Variants in MRPL13 observed in about 807,000 individuals in gnomAD.
MRPL13 encodes large ribosomal subunit protein uL13m.
In MRPL13, 33 loss-of-function variants were observed where a neutral mutation model predicts 29.0. The ratio of observed to expected loss-of-function variants is 1.14; its 90% confidence interval spans 0.86 to 1.52. The LOEUF (loss-of-function observed/expected upper bound fraction) is 1.52. Among genes scored for constraint, MRPL13 ranks in the 40% most tolerant of loss-of-function variants. MRPL13 has a pLI of 0.00. For synonymous variants in MRPL13, 77 were observed against 68.4 expected (o/e 1.13, Z -0.62); for missense variants, 227 against 216.7 (o/e 1.05, Z -0.30).
At chr8:120,411,023 C>T (rs148642693) in intron 6 of MRPL13, among the ~76,000 whole-genome samples, 1,886 of 151,834 alleles carry the variant, frequency 0.012, 20 homozygotes, top group Admixed American at 0.03. Context: ...GGTGATCCAC[C>T]GCGCCAGGCT....
At chr8:120,432,179 G>A (rs1444182665) in intron 2 of MRPL13, 56 bp from the exon 3 acceptor site, 1 of 1,361,490 alleles carries the variant, frequency 7.3e-7, no homozygotes, top group Non-Finnish European at 1.0e-6. Context: ...TTAAGAAAAA[G>A]TGGCCTTGGT....
Position 120,445,056 on chromosome 8 carries a change from G to A in MRPL13, c.27+12C>T. 6.2e-7 allele frequency: 1 copy of A among 1,613,912 alleles called. No individual in the cohort carries two copies. The highest frequency in any genetic ancestry group is 8.5e-7 in the Non-Finnish European group (1 of 1,179,914). On this transcript the variant is annotated intron_variant, in intron 1 of 6. Transcript: ENST00000306185. ...TAATGAACCCCATCAAGCCATAAGA[G>A]TCCGAGCTCACCTGGGGCGCCCTAG...
chr8:120,397,817 G>T (rs1812542133), intron 6 of MRPL13, among the ~76,000 whole-genome samples: 1 of 152,150 alleles, frequency 6.6e-6, no homozygotes, highest in Non-Finnish European at 1.5e-5. Flanking sequence ...AGGCAGTCTA[G>T]ACAAGGAGGA....
At chr8:120,429,770 T>G (rs1812977523) in intron 3 of MRPL13, among the ~76,000 whole-genome samples, 1 of 152,172 alleles carries the variant, frequency 6.6e-6, no homozygotes, top group South Asian at 2.1e-4. Context: ...CCAGGGATGT[T>G]CATATCCCTG....
At chr8:120,424,757 C>T (rs1205107074) in intron 4 of MRPL13, among the ~76,000 whole-genome samples, 1 of 151,826 alleles carries the variant, frequency 6.6e-6, no homozygotes, top group Non-Finnish European at 1.5e-5. Flanking sequence ...CAGAGTGAGA[C>T]CTTGTCTCCA....
chr8:120,444,866 G>T lies in MRPL13; in HGVS notation c.27+202C>A. On this transcript the variant is annotated intron_variant, in intron 1 of 6. Coordinates refer to ENST00000306185, the MANE Select transcript of MRPL13 (RefSeq NM_014078.6). The stretch of plus-strand genomic sequence containing the variant: ...AAGAAAGACATGAAAAGGGCAGATT[G>T]AAAAGAAGAGGGGACGAGTAACAGA... 7.9e-5 allele frequency: 39 copies of T among 493,606 alleles called. No individual in the cohort carries two copies. The Middle Eastern group carries it at 1.3e-3, about 16-fold the overall frequency. The allele number at this position is 493,606 out of a possible 1,614,324, so 30.6% of individuals were successfully genotyped here. A position where few individuals can be genotyped will look rare whatever the true frequency, so the allele number is the denominator to read the frequency against.
intron 3 of MRPL13, among the ~76,000 whole-genome samples, chr8:120,431,047 T>C (rs1001845011): frequency 1.3e-5 from 2 of 152,142 alleles, no homozygotes; most frequent in Non-Finnish European, 2.9e-5. Flanking sequence ...AAATTCAGTT[T>C]TGTTAAATTA....
At position 120,419,801 on chromosome 8, in the gene MRPL13, A is replaced by G. The variant is rs768824412; in HGVS notation, c.393+51T>C. ...CATTTATTTAAAAAGAAAATGAAACATTTAATTGAAAATTTTGGAAAAGCA... is the reference window on the plus strand; with the variant it reads ...CATTTATTTAAAAAGAAAATGAAACGTTTAATTGAAAATTTTGGAAAAGCA... On this transcript the variant is annotated intron_variant, in intron 5 of 6. Transcript: ENST00000306185. 6.6e-6 allele frequency: 9 copies of G among 1,358,068 alleles called. No individual in the cohort carries two copies. In the East Asian group the frequency reaches 2.3e-4, roughly 34 times the overall value. 84.1% of individuals were successfully genotyped at this position (1,358,068 alleles called of 1,614,324 possible).
At chr8:120,420,048 A>G in intron 4 of MRPL13, 110 bp from the exon 5 acceptor site, 2 of 613,760 alleles carry the variant, frequency 3.3e-6, no homozygotes, top group Non-Finnish European at 2.5e-6. Context: ...CAACACGAAT[A>G]TAGGAAAGAA....
intron 4 of MRPL13, among the ~76,000 whole-genome samples, chr8:120,420,628 A>C (rs1443548882): frequency 2.0e-5 from 3 of 151,576 alleles, no homozygotes; most frequent in Admixed American, 6.6e-5. Flanking sequence ...GCAGACACAG[A>C]ACATTTCCAT....
intron 3 of MRPL13, among the ~76,000 whole-genome samples, chr8:120,429,205 G>A (rs555297010): frequency 6.6e-6 from 1 of 152,180 alleles, no homozygotes; most frequent in African/African-American, 2.4e-5. Context: ...CAGCAACATG[G>A]ATGCAGCTGG....
intron 2 of MRPL13, among the ~76,000 whole-genome samples, chr8:120,435,939 C>G (rs1410114800): frequency 1.3e-5 from 2 of 152,078 alleles, no homozygotes; most frequent in Non-Finnish European, 2.9e-5. Context: ...TGAAGTGTCT[C>G]TTTATGTATG....
intron 2 of MRPL13, among the ~76,000 whole-genome samples, chr8:120,438,569 T>C (rs577866951): frequency 3.3e-5 from 5 of 152,318 alleles, no homozygotes; most frequent in Admixed American, 6.5e-5. Context: ...CTGCTACTAA[T>C]TGCACTTTTC....
chr8:120,429,521 GA>G (rs905864318), intron 3 of MRPL13, among the ~76,000 whole-genome samples: 4 of 147,848 alleles, frequency 2.7e-5, no homozygotes, highest in Non-Finnish European at 4.5e-5. Context: ...AACAAGAATT[GA>G]AAAAAAAGAT....
intron 6 of MRPL13, among the ~76,000 whole-genome samples, chr8:120,400,162 C>A (rs960626870): frequency 6.6e-6 from 1 of 152,168 alleles, no homozygotes; most frequent in Non-Finnish European, 1.5e-5. Context: ...AACTCTGCAC[C>A]CCAAAACAAC....
At position 120,419,833 on chromosome 8, in the gene MRPL13, C is replaced by A; in HGVS notation, c.393+19G>T. Reference sequence around the variant, plus strand: ...TGAAAATTTTGGAAAAGCATTGTTACCAATGACCACTGACTTACCTCATCT... The same window carrying A: ...TGAAAATTTTGGAAAAGCATTGTTAACAATGACCACTGACTTACCTCATCT... On this transcript the variant is annotated intron_variant, in intron 5 of 6. Coordinates refer to ENST00000306185, the MANE Select transcript of MRPL13 (RefSeq NM_014078.6). The A allele has an allele frequency of 1.9e-6, 3 of 1,556,642 alleles. No homozygotes were observed. Among genetic ancestry groups the A allele is most frequent in the South Asian group, 1.2e-5 (1 of 80,620 alleles).
intron 4 of MRPL13, among the ~76,000 whole-genome samples, chr8:120,425,050 T>G (rs1812916413): frequency 1.3e-5 from 2 of 152,144 alleles, no homozygotes; most frequent in Admixed American, 1.3e-4. Context: ...ACTAGGTGAT[T>G]ATGCAGGTAT....
In MRPL13 at chr8:120,420,469, CATATATAAATATATATAAAAT is replaced by C. The variant is rs887958368; in HGVS notation, c.307-552_307-532del. Among the ~76,000 whole-genome samples, 10 of 145,880 alleles carry C rather than the reference CATATATAAATATATATAAAAT, an allele frequency of 6.9e-5. No individual in the cohort carries two copies. In the East Asian group the frequency reaches 7.8e-4, roughly 11 times the overall value. On this transcript the variant is annotated intron_variant, in intron 4 of 6. Transcript: ENST00000306185. ...AAATATATATAAACATATATATAAA[CATATATAAATATATATAAAAT>C]ATATATAAATATATATATATTTATG...
chr8:120,438,856 A>G (rs1313104565), intron 2 of MRPL13, among the ~76,000 whole-genome samples: 1 of 152,250 alleles, frequency 6.6e-6, no homozygotes, highest in Admixed American at 6.5e-5. Flanking sequence ...CAAAATATCT[A>G]AAGTCCTAAG....
Sources: gnomAD v4.1 joint callset for allele counts (sites outside exome capture counted in the v4.1 genomes callset) on GRCh38, gnomAD v4.1.1 for gene constraint, MANE v1.5 for transcripts, NCBI Gene and HGNC (gene_info 2026-07-23, HGNC 2026-07-21) for gene names.